Variants in TNS1 observed in about 807,000 individuals in gnomAD.
TNS1 encodes tensin 1, also known as tensin-1.
A neutral mutation model predicts 168.6 loss-of-function variants in TNS1; 62 were observed. That is an observed-to-expected ratio of 0.37 (90% CI 0.30 to 0.45). The LOEUF is 0.45. TNS1 is among the 20% of genes least tolerant of loss of function. TNS1 has a pLI of 1.00. For missense variants in TNS1, 2,240 were observed against 2,339.4 expected (o/e 0.96, Z 0.88); for synonymous variants, 934 against 933.2 (o/e 1.00, Z -0.02).
chr2:218,020,705 AAGTG>A (rs1273858803), intron 1 of TNS1, among the ~76,000 whole-genome samples: 9 of 152,290 alleles, frequency 5.9e-5, no homozygotes, highest in Admixed American at 2.0e-4. Context: ...GGCTAGCAAA[AAGTG>A]AGTGTTTGCT....
intron 1 of TNS1, among the ~76,000 whole-genome samples, chr2:218,016,142 G>A (rs372153391): frequency 8.7e-5 from 13 of 150,194 alleles, no homozygotes; most frequent in Admixed American, 6.6e-5. Flanking sequence ...ACCCCCAGCC[G>A]CTCCCACTGC....
intron 25 of TNS1, among the ~76,000 whole-genome samples, chr2:217,814,458 C>T (rs1268130396): frequency 1.3e-5 from 2 of 152,150 alleles, no homozygotes; most frequent in South Asian, 2.1e-4. Flanking sequence ...TGGGGGCGCC[C>T]CAGTAAAACT....
At chr2:217,879,635 C>G (rs569371500) in intron 18 of TNS1, 179 of 283,336 alleles carry the variant, frequency 6.3e-4, no homozygotes, top group Non-Finnish European at 1.1e-3. Flanking sequence ...ACCACCCTCC[C>G]TCATCCCACT....
At chr2:217,988,653 A>G (rs544040770) in intron 2 of TNS1, among the ~76,000 whole-genome samples, 1 of 152,268 alleles carries the variant, frequency 6.6e-6, no homozygotes, top group African/African-American at 2.4e-5. Flanking sequence ...CCCTGGCTCC[A>G]ACCCTAAACT....
rs554883625 is a variant in TNS1 at position 217,948,587 on chromosome 2, G to A, written c.187-28351C>T. 1.4e-4 allele frequency among the ~76,000 whole-genome samples: 22 copies of A among 152,244 alleles called. No homozygotes were observed. Among genetic ancestry groups the A allele is most frequent in the African/African-American group, 5.3e-4 (22 of 41,538 alleles). On this transcript the variant is annotated intron_variant, in intron 3 of 32. Transcript: ENST00000682258. This position sits in a 1 kb window ranked among gnomAD's most constrained non-coding sequence, Gnocchi z 4.1. ...GAGATGAGTTCGGGCTGTCTCCCAGGGTGCTTCCATCTCAGGATCACCCCC... is the reference window on the plus strand; with the variant it reads ...GAGATGAGTTCGGGCTGTCTCCCAGAGTGCTTCCATCTCAGGATCACCCCC...
intron 3 of TNS1, among the ~76,000 whole-genome samples, chr2:217,962,167 G>C (rs1338747108): frequency 6.6e-6 from 1 of 152,194 alleles, no homozygotes; most frequent in Non-Finnish European, 1.5e-5. Flanking sequence ...AACCAGGCTG[G>C]GTGAGGTGAC....
At chr2:217,859,001 C>T (rs1056603951) in intron 18 of TNS1, among the ~76,000 whole-genome samples, 1 of 144,580 alleles carries the variant, frequency 6.9e-6, no homozygotes, top group African/African-American at 2.6e-5. Context: ...AACTCTCACC[C>T]AGCACAGTCT....
intron 18 of TNS1, among the ~76,000 whole-genome samples, chr2:217,855,367 C>T (rs2125493467): frequency 6.6e-6 from 1 of 152,324 alleles, no homozygotes; most frequent in Middle Eastern, 3.4e-3. Flanking sequence ...TCAGTTCAAA[C>T]TTCCCTGGGA....
At position 218,032,674 on chromosome 2, in the gene TNS1, C is replaced by T. The variant is rs1019102645; in HGVS notation, c.156+1146G>A. ...GGTATCACCCCTCCTCTAGTGAGGC[C>T]CCAGGTGATGGGTGCAGGCTGCTCT... On this transcript the variant is annotated intron_variant, in intron 1 of 1. Coordinates refer to the TNS1 transcript ENST00000649572. The surrounding 1 kb of genome is among the most constrained non-coding windows in gnomAD (Gnocchi z 4.0). Among the ~76,000 whole-genome samples the T allele has an allele frequency of 6.6e-6, 1 of 152,164 alleles. No individual in the cohort carries two copies. The highest frequency in any genetic ancestry group is 2.4e-5 in the African/African-American group (1 of 41,436).
exon 1 of TNS1, chr2:218,010,222 G>A: frequency 2.5e-6 from 1 of 398,972 alleles, no homozygotes; most frequent in South Asian, 1.3e-4. Context: ...GGCGCCTGGG[G>A]CGCGAGGGTC....
At chr2:217,830,217 G>T in intron 22 of TNS1, 1 of 1,054,924 alleles carries the variant, frequency 9.5e-7, no homozygotes, top group Non-Finnish European at 1.4e-6. Flanking sequence ...TGTCAAGCAG[G>T]AGTGTGCTGG....
At chr2:217,829,726 C>CGG in intron 22 of TNS1, 2 of 1,182,424 alleles carry the variant, frequency 1.7e-6, no homozygotes, top group Admixed American at 1.8e-5. Context: ...GGCCATGTGC[C>CGG]TGGTCGCCTG....
intron 32 of TNS1, among the ~76,000 whole-genome samples, chr2:217,805,536 A>AC (rs1938598281): frequency 0.017 from 34 of 1,980 alleles, no homozygotes; most frequent in South Asian, 0.023. Context: ...CACACACACC[A>AC]CACACACCAC....
At chr2:217,812,968 A>G (rs1245880261) in intron 27 of TNS1, among the ~76,000 whole-genome samples, 2 of 152,230 alleles carry the variant, frequency 1.3e-5, no homozygotes, top group Non-Finnish European at 2.9e-5. Flanking sequence ...TGATTTTACC[A>G]TTGTTACTCC....
intron 9 of TNS1, among the ~76,000 whole-genome samples, chr2:217,894,129 G>A (rs926162157): frequency 6.6e-6 from 1 of 152,188 alleles, no homozygotes; most frequent in East Asian, 1.9e-4. Context: ...TGAACAGCAG[G>A]CTTCGGGCCT....
At chr2:217,892,139 C>G (rs1353313744) in intron 11 of TNS1, among the ~76,000 whole-genome samples, 1 of 152,130 alleles carries the variant, frequency 6.6e-6, no homozygotes, top group East Asian at 1.9e-4. Flanking sequence ...TCCCTGTCTC[C>G]CAGGCTGGAG....
At chr2:217,883,599 G>A (rs570579271) in intron 16 of TNS1, among the ~76,000 whole-genome samples, 92 of 152,268 alleles carry the variant, frequency 6.0e-4, no homozygotes, top group African/African-American at 2.2e-3. Context: ...ATTTTCGATG[G>A]TATCTCCTGA....
At chr2:217,916,186 A>C (rs1196391462) in intron 4 of TNS1, among the ~76,000 whole-genome samples, 1 of 152,130 alleles carries the variant, frequency 6.6e-6, no homozygotes, top group African/African-American at 2.4e-5. Flanking sequence ...CACTGTTGCT[A>C]TTACTATTAT....
chr2:217,854,464 C>G (rs1559244132), intron 18 of TNS1, among the ~76,000 whole-genome samples: 2 of 152,128 alleles, frequency 1.3e-5, no homozygotes, highest in South Asian at 2.1e-4. Context: ...CCAAGTCCAG[C>G]AAATAACAAT....
Sources: allele counts gnomAD v4.1 joint callset (sites outside exome capture counted in the v4.1 genomes callset), GRCh38; gene constraint gnomAD v4.1.1; non-coding constraint Gnocchi (gnomAD v3.1); transcripts MANE v1.5; gene names NCBI Gene and HGNC (gene_info 2026-07-23, HGNC 2026-07-21).